The following INSYN2B variants were observed in gnomAD, a reference collection of about 807,000 sequenced individuals.
INSYN2B encodes the protein protein INSYN2B.
Under a neutral mutation model 41.2 loss-of-function variants are expected in INSYN2B, and 16 were observed. The observed-to-expected ratio is 0.39, with a 90% CI of 0.26 to 0.59. The LOEUF (loss-of-function observed/expected upper bound fraction) is 0.59. INSYN2B is among the 20% of genes least tolerant of loss of function. The probability of loss-of-function intolerance (pLI) is 0.57; values close to 1 mark genes in which losing one functional copy is unlikely to be tolerated. For synonymous variants in INSYN2B, 245 were observed against 244.4 expected (o/e 1.00, Z -0.02); for missense variants, 608 against 646.4 (o/e 0.94, Z 0.64).
intron 1 of INSYN2B, among the ~76,000 whole-genome samples, chr5:169,917,136 A>C (rs1774917993): frequency 6.6e-6 from 1 of 152,200 alleles, no homozygotes; most frequent in African/African-American, 2.4e-5. Context: ...GACAAAAGAC[A>C]ACCTTTTTTA....
At chr5:169,888,877 G>A (rs905347709) in intron 1 of INSYN2B, among the ~76,000 whole-genome samples, 1 of 152,198 alleles carries the variant, frequency 6.6e-6, no homozygotes, top group African/African-American at 2.4e-5. Context: ...ATAGTAAACT[G>A]TAGGTGCATT....
At chr5:169,959,325 C>T (rs1362489193) in intron 1 of INSYN2B, among the ~76,000 whole-genome samples, 2 of 151,546 alleles carry the variant, frequency 1.3e-5, no homozygotes, top group Non-Finnish European at 2.9e-5. Context: ...CCTGAGATCA[C>T]ACCACTGCAC....
At chr5:169,965,710 C>G (rs780105256) in intron 1 of INSYN2B, among the ~76,000 whole-genome samples, 1 of 152,204 alleles carries the variant, frequency 6.6e-6, no homozygotes, top group Admixed American at 6.5e-5. Flanking sequence ...AGAATTTTGA[C>G]ATCTCTCTAA....
chr5:169,882,343 C>T (rs1045627891), intron 2 of INSYN2B, among the ~76,000 whole-genome samples: 1 of 152,130 alleles, frequency 6.6e-6, no homozygotes, highest in Non-Finnish European at 1.5e-5. Context: ...AAACAAACAG[C>T]AGTAGAAATC....
intron 1 of INSYN2B, among the ~76,000 whole-genome samples, chr5:169,906,281 A>G (rs1216198705): frequency 6.6e-6 from 1 of 152,118 alleles, no homozygotes; most frequent in African/African-American, 2.4e-5. Context: ...TAAAATGAGT[A>G]TGATCATAGT....
At chr5:169,937,545 A>G (rs73800249) in intron 1 of INSYN2B, among the ~76,000 whole-genome samples, 2 of 152,368 alleles carry the variant, frequency 1.3e-5, no homozygotes, top group East Asian at 1.9e-4. Context: ...GATAATAGGA[A>G]CATATATTGA....
chr5:169,903,535 G>A (rs934940214), intron 1 of INSYN2B, among the ~76,000 whole-genome samples: 20 of 151,086 alleles, frequency 1.3e-4, no homozygotes, highest in Non-Finnish European at 2.7e-4. Flanking sequence ...GGGCCGGGGG[G>A]CAGGGGGCGT....
intron 1 of INSYN2B, among the ~76,000 whole-genome samples, chr5:169,959,023 T>C (rs1776973825): frequency 6.6e-6 from 1 of 152,160 alleles, no homozygotes; most frequent in Non-Finnish European, 1.5e-5. Flanking sequence ...TATTTAAGCC[T>C]AGGACTGGGC....
rs1263480395 is a variant in INSYN2B, at chr5:169,879,286, A to C, written c.1421+2082T>G. On this transcript the variant is annotated intron_variant, in intron 3 of 3. Transcript: ENST00000377365. Reference sequence around the variant, plus strand: ...GGCTTAACAAGGCCTGGGGATGAGTATTTCACATCACTTATTCATTCGTTT... The same window carrying C: ...GGCTTAACAAGGCCTGGGGATGAGTCTTTCACATCACTTATTCATTCGTTT... Among the ~76,000 whole-genome samples, 223 of 152,310 alleles carry C rather than the reference A, an allele frequency of 1.5e-3. 1 individual carries two copies. Among genetic ancestry groups the C allele is most frequent in the African/African-American group, 4.7e-3 (195 of 41,570 alleles).
At chr5:169,868,615 A>T (rs892079517) in intron 3 of INSYN2B, among the ~76,000 whole-genome samples, 3 of 152,060 alleles carry the variant, frequency 2.0e-5, no homozygotes, top group Non-Finnish European at 4.4e-5. Context: ...AAAATTAGCC[A>T]TGTGTGGTGG....
At chr5:169,890,574 T>C (rs181109320) in intron 1 of INSYN2B, among the ~76,000 whole-genome samples, 115 of 152,112 alleles carry the variant, frequency 7.6e-4, no homozygotes, top group Non-Finnish European at 1.6e-3. Context: ...AGGAAAAGGG[T>C]ATATTTTGGG....
chr5:169,884,187 T>G lies in INSYN2B; in HGVS notation c.-289A>C. ...TAGGCTAACTATTAAACATCTGATC[T>G]ACCAAGAGAGCTGGTAGGCGGTTTA... is the stretch of plus-strand genomic sequence containing the variant. On this transcript the variant is annotated 5_prime_UTR_variant, in exon 2 of 4. Coordinates refer to ENST00000377365, the MANE Select transcript of INSYN2B (RefSeq NM_001129891.3). 5 of 242,710 alleles carry G rather than the reference T, an allele frequency of 2.1e-5. No homozygotes were observed. Among genetic ancestry groups the G allele is most frequent in the Non-Finnish European group, 3.1e-5 (4 of 127,772 alleles). 15.0% of individuals were successfully genotyped at this position (242,710 alleles called of 1,614,324 possible).
intron 1 of INSYN2B, among the ~76,000 whole-genome samples, chr5:169,953,107 A>G (rs1776729516): frequency 6.6e-6 from 1 of 152,102 alleles, no homozygotes; most frequent in Non-Finnish European, 1.5e-5. Context: ...GCGGATCACA[A>G]GGTCAGGAGT....
intron 1 of INSYN2B, among the ~76,000 whole-genome samples, chr5:169,899,037 C>T (rs1159307341): frequency 1.3e-5 from 2 of 152,170 alleles, no homozygotes; most frequent in East Asian, 3.8e-4. Flanking sequence ...TGTTTGCTCT[C>T]TGAGACTTGG....
chr5:169,910,542 T>A (rs1019479318), intron 1 of INSYN2B, among the ~76,000 whole-genome samples: 2 of 140,660 alleles, frequency 1.4e-5, no homozygotes, highest in African/African-American at 4.9e-5. Flanking sequence ...GTTTTCAGCA[T>A]CCTTTCCCTG....
chr5:169,933,680 C>G (rs1459737393), intron 1 of INSYN2B, among the ~76,000 whole-genome samples: 1 of 152,138 alleles, frequency 6.6e-6, no homozygotes, highest in African/African-American at 2.4e-5. Flanking sequence ...ACTGGCCGCA[C>G]TAAGAGAGTA....
chr5:169,887,469 C>T (rs1773038593), intron 1 of INSYN2B, among the ~76,000 whole-genome samples: 1 of 152,138 alleles, frequency 6.6e-6, no homozygotes, highest in Non-Finnish European at 1.5e-5. Context: ...AATGCTTGCA[C>T]AGAAATTGCA....
chr5:169,918,093 C>T (rs1328538491), intron 1 of INSYN2B, among the ~76,000 whole-genome samples: 1 of 152,146 alleles, frequency 6.6e-6, no homozygotes, highest in Non-Finnish European at 1.5e-5. Context: ...GGGAAAAAGT[C>T]AAACCTTAGT....
chr5:169,956,450 C>T (rs1210539121), intron 1 of INSYN2B, among the ~76,000 whole-genome samples: 1 of 152,168 alleles, frequency 6.6e-6, no homozygotes, highest in African/African-American at 2.4e-5. Context: ...ACTGCAGCGA[C>T]TTTAAGCACA....
Sources: gnomAD v4.1 joint callset for allele counts (sites outside exome capture counted in the v4.1 genomes callset) on GRCh38, gnomAD v4.1.1 for gene constraint, MANE v1.5 for transcripts, NCBI Gene and HGNC (gene_info 2026-07-23, HGNC 2026-07-21) for gene names.